Variants in PDZRN3 observed in about 807,000 individuals in gnomAD.
PDZRN3 encodes E3 ubiquitin-protein ligase PDZRN3.
A neutral mutation model predicts 85.7 loss-of-function variants in PDZRN3; 38 were observed. That is an observed-to-expected ratio of 0.44 (90% CI 0.34 to 0.58). PDZRN3 has a LOEUF of 0.58. Among genes scored for constraint, PDZRN3 ranks in the 20% least tolerant of loss-of-function variants. The pLI is 0.01. For missense variants in PDZRN3, 1,629 were observed against 1,506.4 expected (o/e 1.08, Z -1.35); for synonymous variants, 759 against 638.0 (o/e 1.19, Z -2.86).
intron 2 of PDZRN3, among the ~76,000 whole-genome samples, chr3:73,605,166 C>T (rs1050204305): frequency 6.7e-6 from 1 of 149,594 alleles, no homozygotes; most frequent in African/African-American, 2.5e-5. Context: ...AAGATTGTGC[C>T]GTTGCACTCC....
intron 3 of PDZRN3, among the ~76,000 whole-genome samples, chr3:73,561,913 ATT>A (rs769545083): frequency 4.6e-4 from 63 of 136,512 alleles, no homozygotes; most frequent in East Asian, 4.3e-4. Flanking sequence ...AACCCAAGTC[ATT>A]TTTTTTTTTT....
At chr3:73,460,563 ATGTCAGG>A (rs927480398) in intron 3 of PDZRN3, among the ~76,000 whole-genome samples, 1 of 152,258 alleles carries the variant, frequency 6.6e-6, no homozygotes, top group African/African-American at 2.4e-5. Context: ...CACAGGGAGT[ATGTCAGG>A]TATCTGACAA....
chr3:73,606,220 A>T (rs1702597638), intron 2 of PDZRN3, among the ~76,000 whole-genome samples: 1 of 152,244 alleles, frequency 6.6e-6, no homozygotes, highest in Admixed American at 6.5e-5. Flanking sequence ...TGTGAAGTGA[A>T]TCTTAATTTA....
At chr3:73,623,679 T>A (rs1702905356) in intron 1 of PDZRN3, 1 of 158,048 alleles carries the variant, frequency 6.3e-6, no homozygotes, top group African/African-American at 2.4e-5. Context: ...ACCCAATGTG[T>A]CCATCTCTCC....
Position 73,384,383 on chromosome 3 carries a change from T to G in PDZRN3, c.2183A>C (p.Asn728Thr), listed in dbSNP as rs192791434. ...SWMLHNSGFR[N>T]YNTSIDVRRH... is the part of the protein sequence containing the mutation. ...GCGCACGTCGATGCTGGTGTTGTAG[T>G]TGCGGAAGCCGCTGTTGTGCAGCAT... Residue 728 changes from asparagine (N) to threonine (T), a missense_variant, in exon 10 of 10, where the codon AAC becomes ACC. Physicochemically the swap from Asn to Thr is moderately conservative, Grantham distance 65 (BLOSUM62 0). Transcript: ENST00000263666. 3 of 1,609,422 alleles carry G rather than the reference T, an allele frequency of 1.9e-6. No homozygotes were observed. Among genetic ancestry groups the G allele is most frequent in the Non-Finnish European group, 1.7e-6 (2 of 1,179,954 alleles).
chr3:73,420,836 G>A (rs1207183598), intron 3 of PDZRN3, among the ~76,000 whole-genome samples: 4 of 152,112 alleles, frequency 2.6e-5, no homozygotes, highest in African/African-American at 9.7e-5. Context: ...CCAAATCCAT[G>A]AATTCTCAAG....
chr3:73,533,065 T>A (rs756543130), intron 3 of PDZRN3, among the ~76,000 whole-genome samples: 34 of 152,230 alleles, frequency 2.2e-4, no homozygotes, highest in Non-Finnish European at 4.6e-4. Flanking sequence ...ATAGGTTTCA[T>A]ATTTAACAAG....
intron 3 of PDZRN3, among the ~76,000 whole-genome samples, chr3:73,466,186 C>T (rs1057214756): frequency 6.6e-6 from 1 of 152,122 alleles, no homozygotes; most frequent in Admixed American, 6.6e-5. Flanking sequence ...GAGGGTAACT[C>T]TCTAGTGAAG....
At chr3:73,491,603 T>TTTTTTTTTTTTTA (rs1703773045) in intron 3 of PDZRN3, among the ~76,000 whole-genome samples, 1 of 149,958 alleles carries the variant, frequency 6.7e-6, no homozygotes, top group African/African-American at 2.5e-5. Flanking sequence ...CTTTTTTTTT[T>TTTTTTTTTTTTTA]TTAAGAAGCA....
At chr3:73,462,934 C>T (rs965424426) in intron 3 of PDZRN3, among the ~76,000 whole-genome samples, 1 of 152,194 alleles carries the variant, frequency 6.6e-6, no homozygotes, top group South Asian at 2.1e-4. Flanking sequence ...CCAGGTCTGT[C>T]TTGCTTCCAA....
intron 3 of PDZRN3, among the ~76,000 whole-genome samples, chr3:73,501,530 C>T (rs1359187270): frequency 6.6e-6 from 1 of 152,224 alleles, no homozygotes; most frequent in East Asian, 1.9e-4. Context: ...CACTTCTAAT[C>T]TAGCAATGGC....
intron 3 of PDZRN3, among the ~76,000 whole-genome samples, chr3:73,570,275 G>A (rs1278122627): frequency 6.6e-6 from 1 of 152,118 alleles, no homozygotes; most frequent in Non-Finnish European, 1.5e-5. Context: ...CAAAACAAAC[G>A]AATACTGACT....
At chr3:73,558,091 A>G (rs1701739600) in intron 3 of PDZRN3, among the ~76,000 whole-genome samples, 1 of 151,906 alleles carries the variant, frequency 6.6e-6, no homozygotes. Flanking sequence ...TTTCTTTAGG[A>G]GTGAAAAAAT....
At chr3:73,475,372 CT>C (rs1450218513) in intron 3 of PDZRN3, among the ~76,000 whole-genome samples, 11 of 152,192 alleles carry the variant, frequency 7.2e-5, no homozygotes, top group African/African-American at 2.4e-4. Context: ...AACCTTTCTA[CT>C]TTCCTGTTAG....
At position 73,541,063 on chromosome 3, in the gene PDZRN3, CTT is replaced by C. The variant is rs531493535; in HGVS notation, c.918+61289_918+61290del. Among the ~76,000 whole-genome samples the C allele has an allele frequency of 1.4e-4, 21 of 152,270 alleles. No homozygotes were observed. In the South Asian group the frequency reaches 3.9e-3, roughly 29 times the overall value. On this transcript the variant is annotated intron_variant, in intron 3 of 9. Coordinates refer to ENST00000263666, the MANE Select transcript of PDZRN3 (RefSeq NM_015009.3). ...AGGGGTCCTGGGAACTTGTGGAAAACTTTTAATTCCATTTATGGAGGTTAATA... is the reference window on the plus strand; with the variant it reads ...AGGGGTCCTGGGAACTTGTGGAAAACTTAATTCCATTTATGGAGGTTAATA...
chr3:73,562,708 T>C (rs1355669363), intron 3 of PDZRN3, among the ~76,000 whole-genome samples: 2 of 152,004 alleles, frequency 1.3e-5, no homozygotes, highest in East Asian at 3.9e-4. Context: ...AAAGCCCGAA[T>C]AGAGAGCACA....
chr3:73,494,503 C>T (rs919254097), intron 3 of PDZRN3, among the ~76,000 whole-genome samples: 7 of 152,060 alleles, frequency 4.6e-5, no homozygotes, highest in African/African-American at 1.4e-4. Flanking sequence ...TGCTGTCATC[C>T]AAAACACCAA....
At chr3:73,582,493 A>G (rs987660477) in intron 3 of PDZRN3, among the ~76,000 whole-genome samples, 1 of 152,080 alleles carries the variant, frequency 6.6e-6, no homozygotes, top group African/African-American at 2.4e-5. Context: ...TTTAAAACAA[A>G]ATGTATATTT....
At chr3:73,618,615 G>T (rs998725438) in intron 1 of PDZRN3, among the ~76,000 whole-genome samples, 15 of 152,160 alleles carry the variant, frequency 9.9e-5, no homozygotes, top group Non-Finnish European at 2.1e-4. Context: ...AAGCTCCTTG[G>T]TCTACGGTCC....
Sources: allele counts gnomAD v4.1 joint callset (sites outside exome capture counted in the v4.1 genomes callset), GRCh38; gene constraint gnomAD v4.1.1; transcripts MANE v1.5; gene names NCBI Gene and HGNC (gene_info 2026-07-23, HGNC 2026-07-21).